DNAH6: variants seen among roughly 807,000 people sequenced by gnomAD.
DNAH6 encodes dynein axonemal heavy chain 6, also known as axonemal beta dynein heavy chain 6.
A neutral mutation model predicts 491.4 loss-of-function variants in DNAH6; 340 were observed. The ratio of observed to expected loss-of-function variants is 0.69; its 90% confidence interval spans 0.63 to 0.76. The LOEUF (loss-of-function observed/expected upper bound fraction) is 0.76. Ranked by LOEUF, DNAH6 falls within the 30% of genes least tolerant of loss-of-function variation. The probability of loss-of-function intolerance (pLI) is 0.00; values close to 1 mark genes in which losing one functional copy is unlikely to be tolerated. For missense variants in DNAH6, 4,443 were observed against 4,972.2 expected (o/e 0.89, Z 3.20); for synonymous variants, 1,603 against 1,686.1 (o/e 0.95, Z 1.21).
In DNAH6 at chr2:84,597,820, C is replaced by T. The variant is rs1042372300; in HGVS notation, c.2868+2031C>T. ...TTGTATGTGCAACAGAATAGATGAA[C>T]CTTAAAAACATGATGCTGGACTAGG... On this transcript the variant is annotated intron_variant, in intron 18 of 76. Transcript: ENST00000389394. Among the ~76,000 whole-genome samples the T allele has an allele frequency of 3.3e-5, 5 of 152,112 alleles. No individual in the cohort carries two copies. The South Asian group carries it at 1.0e-3, about 32-fold the overall frequency.
At chr2:84,718,974 A>G in intron 59 of DNAH6, among the ~76,000 whole-genome samples, 1 of 152,266 alleles carries the variant, frequency 6.6e-6, no homozygotes, top group Non-Finnish European at 1.5e-5. Context: ...CCTTAAACTT[A>G]AAATTCTTCA....
intron 17 of DNAH6, among the ~76,000 whole-genome samples, chr2:84,594,289 A>G (rs1393873162): frequency 1.1e-3 from 1 of 894 alleles, no homozygotes; most frequent in African/African-American, 7.2e-3. Flanking sequence ...TACAGGCTCC[A>G]TATTAGAAGG....
At chr2:84,644,667 T>C (rs1689732319) in intron 33 of DNAH6, among the ~76,000 whole-genome samples, 1 of 152,148 alleles carries the variant, frequency 6.6e-6, no homozygotes, top group African/African-American at 2.4e-5. Context: ...ATTTAGCTCC[T>C]ACTTATAAGT....
chr2:84,534,578 T>A (rs1677499826), intron 4 of DNAH6, among the ~76,000 whole-genome samples: 1 of 150,860 alleles, frequency 6.6e-6, no homozygotes, highest in Admixed American at 6.6e-5. Flanking sequence ...CCTTGTTCAG[T>A]TTTTTTTTAA....
chr2:84,607,019 C>T lies in DNAH6; in HGVS notation c.3218C>T (p.Ser1073Leu). The change falls in exon 21 of 77, where the codon TCA (serine) becomes TTA (leucine). Residue 1073 changes from serine (S) to leucine (L), a missense_variant. Physicochemically the swap from Ser to Leu is moderately radical, Grantham distance 145. Coordinates refer to ENST00000389394, the MANE Select transcript of DNAH6 (RefSeq NM_001370.2). ...ACCATCAATGTTGCAACTCTTGCCT[C>T]ATCACGTTACCTTGGTCCACTGAAA... Reference protein sequence around the residue: ...DSTINVATLASSRYLGPLKTR... With the variant: ...DSTINVATLALSRYLGPLKTR... The T allele has an allele frequency of 1.3e-6, 2 of 1,551,464 alleles. No individual in the cohort carries two copies. Among genetic ancestry groups the T allele is most frequent in the Non-Finnish European group, 8.7e-7 (1 of 1,146,812 alleles).
chr2:84,704,605 C>G (rs1696254022), intron 51 of DNAH6, among the ~76,000 whole-genome samples: 1 of 152,126 alleles, frequency 6.6e-6, no homozygotes, highest in African/African-American at 2.4e-5. Flanking sequence ...GTGCCTAAGC[C>G]CAGCTGGGAT....
intron 58 of DNAH6, among the ~76,000 whole-genome samples, chr2:84,717,968 T>C (rs945126258): frequency 3.3e-5 from 5 of 152,210 alleles, no homozygotes; most frequent in Non-Finnish European, 2.9e-5. Context: ...GGAACTTCAG[T>C]AGTATGCATC....
chr2:84,694,851 C>A (rs1453581244), intron 46 of DNAH6, among the ~76,000 whole-genome samples: 1 of 152,142 alleles, frequency 6.6e-6, no homozygotes, highest in Non-Finnish European at 1.5e-5. Context: ...TAAGGGCTAT[C>A]TTTTGGGTTA....
chr2:84,552,873 C>T, intron 9 of DNAH6, 45 bp from the exon 10 acceptor site: 2 of 1,135,312 alleles, frequency 1.8e-6, no homozygotes, highest in East Asian at 2.6e-5. Context: ...TGTTTTAGAC[C>T]TTGATACTTG....
chr2:84,553,389 C>G (rs1303934093), intron 10 of DNAH6, among the ~76,000 whole-genome samples: 2 of 133,594 alleles, frequency 1.5e-5, no homozygotes, highest in South Asian at 5.2e-4. Flanking sequence ...TTCTTTCTTT[C>G]TTTCTTTCTT....
intron 63 of DNAH6, among the ~76,000 whole-genome samples, chr2:84,750,184 G>T (rs1409135282): frequency 6.7e-6 from 1 of 148,788 alleles, no homozygotes; most frequent in African/African-American, 2.5e-5. Flanking sequence ...TTGTTTGTTT[G>T]GTTTGGTTTT....
At chr2:84,498,156 T>C in the DNAH6 span, among the ~76,000 whole-genome samples, 2 of 152,220 alleles carry the variant, frequency 1.3e-5, no homozygotes, top group African/African-American at 4.8e-5. Context: ...CCAAAGGTCT[T>C]GCAGAGACTA....
Position 84,787,157 on chromosome 2 carries a change from AT to A in DNAH6, c.11101-3del. On this transcript the variant is annotated splice_polypyrimidine_tract_variant and splice_region_variant and intron_variant, in intron 67 of 76. Coordinates refer to ENST00000389394, the MANE Select transcript of DNAH6 (RefSeq NM_001370.2). ...TTATTTCAGATCATTTTCATTTTTC[AT>A]TTTAGGAGAGAAAGAAGTTTGGCCC... The A allele has an allele frequency of 6.8e-7, 1 of 1,478,924 alleles. No individual in the cohort carries two copies. Among genetic ancestry groups the A allele is most frequent in the Non-Finnish European group, 9.0e-7 (1 of 1,111,914 alleles). 91.6% of individuals were successfully genotyped at this position (1,478,924 alleles called of 1,614,324 possible).
intron 11 of DNAH6, among the ~76,000 whole-genome samples, chr2:84,562,074 A>G (rs1163096275): frequency 1.3e-5 from 2 of 152,208 alleles, no homozygotes; most frequent in East Asian, 3.8e-4. Context: ...AAATAGTGCA[A>G]CTGTAAAAAT....
At chr2:84,606,834 A>G in intron 20 of DNAH6, 142 bp from the exon 21 acceptor site, 1 of 779,260 alleles carries the variant, frequency 1.3e-6, no homozygotes, top group African/African-American at 1.7e-5. Flanking sequence ...AGGGAAATTG[A>G]TGAGTAGGAA....
At chr2:84,811,471 T>C (rs989947632) in intron 72 of DNAH6, among the ~76,000 whole-genome samples, 6 of 152,044 alleles carry the variant, frequency 3.9e-5, no homozygotes, top group African/African-American at 1.4e-4. Flanking sequence ...CATCTTCTGG[T>C]GAGAGAAGGA....
chr2:84,640,660 A>C, intron 32 of DNAH6, 82 bp downstream of exon 32: 1 of 1,318,284 alleles, frequency 7.6e-7, no homozygotes, highest in Non-Finnish European at 1.0e-6. Flanking sequence ...AAAGGCTCTC[A>C]GAGAGTAACT....
the DNAH6 span, among the ~76,000 whole-genome samples, chr2:84,483,830 A>G: frequency 6.6e-6 from 1 of 152,188 alleles, no homozygotes; most frequent in African/African-American, 2.4e-5. Flanking sequence ...TTGGGCGGGA[A>G]GTCCAGCATC....
At chr2:84,473,910 A>G in the DNAH6 span, among the ~76,000 whole-genome samples, 1 of 152,204 alleles carries the variant, frequency 6.6e-6, no homozygotes, top group Non-Finnish European at 1.5e-5. Context: ...TGGATGATAT[A>G]ACATTTTTTA....
Sources: gnomAD v4.1 joint callset for allele counts (sites outside exome capture counted in the v4.1 genomes callset) on GRCh38, gnomAD v4.1.1 for gene constraint, MANE v1.5 for transcripts, NCBI Gene and HGNC (gene_info 2026-07-23, HGNC 2026-07-21) for gene names.